ALDH3A1: variants seen among roughly 807,000 people sequenced by gnomAD.
ALDH3A1 encodes aldehyde dehydrogenase, dimeric NADP-preferring.
In ALDH3A1, 46 loss-of-function variants were observed where a neutral mutation model predicts 49.9. That is an observed-to-expected ratio of 0.92 (90% confidence interval 0.73 to 1.18). The LOEUF (loss-of-function observed/expected upper bound fraction) is 1.18. ALDH3A1 is among the 50% of genes most tolerant of loss of function. The pLI is 0.00. For missense variants in ALDH3A1, 592 were observed against 611.8 expected, an observed-to-expected ratio of 0.97 and a Z score of 0.34; for synonymous variants, 269 against 253.3, an observed-to-expected ratio of 1.06 and a Z score of -0.59.
At position 19,745,110 on chromosome 17, in the gene ALDH3A1, G is replaced by A; in HGVS notation, c.20C>T (p.Ala7Val). The A allele has an allele frequency of 6.3e-7, 1 of 1,584,822 alleles. No individual in the cohort carries two copies. Among genetic ancestry groups the A allele is most frequent in the East Asian group, 2.3e-5 (1 of 43,664 alleles). The stretch of plus-strand genomic sequence containing the variant: ...GAAGGCGGCGCGGGCGCGCTTCACG[G>A]CCTCGCTGATCTTGCTCATGGCGCC... Reference protein sequence around the residue: MSKISEAVKRARAAFSS... With the variant: MSKISEVVKRARAAFSS... The change falls in exon 2 of 11, where the codon GCC becomes GTC. Residue 7 changes from alanine (A) to valine (V), a missense_variant. Coordinates refer to ENST00000225740, the MANE Select transcript of ALDH3A1 (RefSeq NM_000691.5).
In ALDH3A1 at chr17:19,743,237, G is replaced by A. The variant is rs2086533973; in HGVS notation, c.389C>T (p.Ala130Val). 1 of 1,613,702 alleles carries A rather than the reference G, an allele frequency of 6.2e-7. No homozygotes were observed. The highest frequency in any genetic ancestry group is 8.5e-7 in the Non-Finnish European group (1 of 1,179,922). The stretch of plus-strand genomic sequence containing the variant: ...CTTCCCACAGGGCCATGCACCTGCA[G>A]CGATGGCGCCCACCATGGGCTGGAT... Reference protein sequence around the residue: ...LTIQPMVGAIAAGNSVVLKPS... With the variant: ...LTIQPMVGAIVAGNSVVLKPS... Residue 130 changes from alanine to valine, a missense_variant, in exon 3 of 11, where the codon GCT becomes GTT. Physicochemically the swap from Ala to Val is moderately conservative, Grantham distance 64. Coordinates refer to ENST00000225740, the MANE Select transcript of ALDH3A1 (RefSeq NM_000691.5). This position sits in a 1 kb window ranked among gnomAD's most constrained non-coding sequence, Gnocchi z 4.4.
intron 2 of ALDH3A1, chr17:19,744,193 C>A: frequency 2.2e-6 from 2 of 889,026 alleles, no homozygotes; most frequent in Non-Finnish European, 2.7e-6. Flanking sequence ...CTCCTGAGGG[C>A]AGGAGTTCAA....
Position 19,743,703 on chromosome 17 carries a change from A to G in ALDH3A1, c.163-240T>C. The G allele has an allele frequency of 1.0e-6, 1 of 984,818 alleles. No individual in the cohort carries two copies. Among genetic ancestry groups the G allele is most frequent in the Non-Finnish European group, 1.2e-6 (1 of 829,814 alleles). The allele number at this position is 984,818 out of a possible 1,614,324, so 61.0% of individuals were successfully genotyped here. A position where few individuals can be genotyped will look rare whatever the true frequency, so the allele number is the denominator to read the frequency against. On this transcript the variant is annotated intron_variant, in intron 2 of 10. Coordinates refer to ENST00000225740, the MANE Select transcript of ALDH3A1 (RefSeq NM_000691.5). This position sits in a 1 kb window ranked among gnomAD's most constrained non-coding sequence, Gnocchi z 4.4. ...AGGTAGGTTTGCGGCCCCAGGGGAG[A>G]GAGCCGGTGAAGGGACCAGGCATGG...
At chr17:19,746,797 C>G (rs2086607563) in intron 1 of ALDH3A1, among the ~76,000 whole-genome samples, 1 of 152,168 alleles carries the variant, frequency 6.6e-6, no homozygotes, top group South Asian at 2.1e-4. Context: ...TAGCCCCCGA[C>G]ACGATGAGAC....
chr17:19,747,697 C>A (rs1011759912), intron 1 of ALDH3A1, among the ~76,000 whole-genome samples: 11 of 152,176 alleles, frequency 7.2e-5, no homozygotes, highest in African/African-American at 2.7e-4. Flanking sequence ...AGCCCGTCGC[C>A]TCACACCCCA....
At chr17:19,744,828 G>A (rs1369832456) in intron 2 of ALDH3A1, 140 bp downstream of exon 2, 33 of 1,352,108 alleles carry the variant, frequency 2.4e-5, no homozygotes, top group East Asian at 3.1e-5. Flanking sequence ...AGGGCGGTGC[G>A]CCCAGTCTCC....
chr17:19,742,281 G>A, intron 4 of ALDH3A1, 69 bp from the exon 5 acceptor site: 2 of 1,522,006 alleles, frequency 1.3e-6, no homozygotes, highest in African/African-American at 1.4e-5. Flanking sequence ...AAGTGTGGGT[G>A]AGTTGCAGTG....
chr17:19,741,932 C>G lies in ALDH3A1; in HGVS notation c.689+72G>C, dbSNP rs4646790. 6,740 of 1,458,628 alleles carry G rather than the reference C, an allele frequency of 4.6e-3. 250 individuals are homozygous for G. The East Asian group carries it at 0.096, about 21-fold the overall frequency. The allele number at this position is 1,458,628 out of a possible 1,614,324, so 90.4% of individuals were successfully genotyped here. ...TGTGTTACTCAGAGTGGACCCACAGCATGAGGTGCAGTCATGTGTGCTTGG... is the reference window on the plus strand; with the variant it reads ...TGTGTTACTCAGAGTGGACCCACAGGATGAGGTGCAGTCATGTGTGCTTGG... On this transcript the variant is annotated intron_variant, in intron 5 of 10. Coordinates refer to ENST00000225740, the MANE Select transcript of ALDH3A1 (RefSeq NM_000691.5).
At chr17:19,742,821 C>T in intron 3 of ALDH3A1, 191 bp from the exon 4 acceptor site, 5 of 1,533,968 alleles carry the variant, frequency 3.3e-6, no homozygotes, top group Middle Eastern at 1.7e-4. Context: ...GAGGGACACA[C>T]ACGGGCACAC....
rs1434745257 is a variant in ALDH3A1, at chr17:19,742,006, G to A, written c.687C>T (p.Cys229=). 6.2e-7 allele frequency: 1 copy of A among 1,613,612 alleles called. No individual in the cohort carries two copies. Among genetic ancestry groups the A allele is most frequent in the Non-Finnish European group, 8.5e-7 (1 of 1,179,954 alleles). ...GCCAGCAGGCCCGTGCCTCTCACCG[G>A]CAGGCCACGTCCAGGTCACAGTTCT... The part of the protein sequence containing the change: ...VDKNCDLDVA[C]RRIAWGKFMN... Residue 229 remains cysteine (C), a splice_region_variant and synonymous_variant, in exon 5 of 11, where the codon TGC becomes TGT. Transcript: ENST00000225740.
At chr17:19,744,932 C>T (rs754526583) in intron 2 of ALDH3A1, 36 bp downstream of exon 2, 13 of 1,448,998 alleles carry the variant, frequency 9.0e-6, no homozygotes, top group East Asian at 3.4e-5. Flanking sequence ...CGCATGGCCC[C>T]GACACTGGCA....
chr17:19,744,895 T>TGCCCACCCCC, intron 2 of ALDH3A1, 73 bp downstream of exon 2: 1 of 924,176 alleles, frequency 1.1e-6, no homozygotes, highest in Non-Finnish European at 1.4e-6. Flanking sequence ...GGTCGCACTC[T>TGCCCACCCCC]CCCCAGCCCC....
In ALDH3A1 at chr17:19,742,056, C is replaced by T. The variant is rs2086502859; in HGVS notation, c.637G>A (p.Gly213Arg). The change falls in exon 5 of 11, where the codon GGG becomes AGG. Residue 213 changes from glycine (G) to arginine (R), a missense_variant. Physicochemically the swap from Gly to Arg is moderately radical, Grantham distance 125. Coordinates refer to ENST00000225740, the MANE Select transcript of ALDH3A1 (RefSeq NM_000691.5). ...TTGTCCACGTAGCAGGGACTCTTCC[C>T]TCCCAGCTCCAGCGTGACAGGGGTC... ...HLTPVTLELG[G>R]KSPCYVDKNC... is the part of the protein sequence containing the mutation. The T allele has an allele frequency of 6.2e-7, 1 of 1,614,048 alleles. No individual in the cohort carries two copies. The highest frequency in any genetic ancestry group is 1.7e-5 in the Admixed American group (1 of 60,028).
At chr17:19,739,822 C>A in intron 7 of ALDH3A1, 148 bp from the exon 8 acceptor site, 1 of 990,084 alleles carries the variant, frequency 1.0e-6, no homozygotes, top group Non-Finnish European at 1.5e-6. Context: ...AGAGAGGTAC[C>A]CTAGGCACCT....
intron 5 of ALDH3A1, among the ~76,000 whole-genome samples, 185 bp downstream of exon 5, chr17:19,741,819 C>T (rs1006111848): frequency 6.6e-6 from 1 of 152,150 alleles, no homozygotes; most frequent in Non-Finnish European, 1.5e-5. Context: ...TTCTGGGACT[C>T]CCCACACGTC....
chr17:19,744,271 T>C (rs1259994263), intron 2 of ALDH3A1: 2 of 625,908 alleles, frequency 3.2e-6, no homozygotes, highest in South Asian at 7.1e-5. Flanking sequence ...GGCATGGTGG[T>C]ACACGCCTGT....
At position 19,738,997 on chromosome 17, in the gene ALDH3A1, C is replaced by T; in HGVS notation, c.1215G>A (p.Val405=). 2 of 1,612,748 alleles carry T rather than the reference C, an allele frequency of 1.2e-6. No individual in the cohort carries two copies. Among genetic ancestry groups the T allele is most frequent in the Non-Finnish European group, 1.7e-6 (2 of 1,179,702 alleles). ...CAGCAAGCTCAGCCCCAGACTCACC[C>T]ACGCCCCCGAAGGGCAGAGAGTGCA... ...ITLHSLPFGG[V]GNSGMGSYHG... Residue 405 remains valine, a splice_region_variant and synonymous_variant, in exon 9 of 11, where the codon GTG becomes GTA. Transcript: ENST00000225740.
intron 1 of ALDH3A1, chr17:19,745,419 T>A (rs1354578536): frequency 2.4e-6 from 1 of 414,852 alleles, no homozygotes; most frequent in Non-Finnish European, 4.3e-6. Flanking sequence ...GCAGGGCCTT[T>A]CCCGGCCTTT....
chr17:19,746,103 G>A (rs914012795), intron 1 of ALDH3A1, among the ~76,000 whole-genome samples: 1 of 152,228 alleles, frequency 6.6e-6, no homozygotes, highest in Non-Finnish European at 1.5e-5. Context: ...ACAGGTTACA[G>A]GCCGGGCGCG....
Sources: allele counts gnomAD v4.1 joint callset (sites outside exome capture counted in the v4.1 genomes callset), GRCh38; gene constraint gnomAD v4.1.1; non-coding constraint Gnocchi (gnomAD v3.1); transcripts MANE v1.5; gene names NCBI Gene and HGNC (gene_info 2026-07-23, HGNC 2026-07-21).